Variants in SYT1 observed in about 807,000 individuals in gnomAD.
SYT1 encodes the protein synaptotagmin-1.
In SYT1, 8 loss-of-function variants were observed where a neutral mutation model predicts 44.8. The ratio of observed to expected loss-of-function variants is 0.18; its 90% CI spans 0.10 to 0.32. SYT1 has a LOEUF of 0.32. SYT1 is among the 10% of genes least tolerant of loss of function. The pLI, the probability that SYT1 is intolerant of heterozygous loss-of-function variation, is 1.00. For synonymous variants in SYT1, 154 were observed against 188.8 expected (o/e 0.82, Z 1.51); for missense variants, 286 against 509.3 (o/e 0.56, Z 4.22).
At chr12:78,932,691 A>G (rs1412026897) in intron 1 of SYT1, among the ~76,000 whole-genome samples, 1 of 152,072 alleles carries the variant, frequency 6.6e-6, no homozygotes, top group Non-Finnish European at 1.5e-5. Flanking sequence ...TTTATTTTCA[A>G]TTGCCTTCAG....
At chr12:79,276,411 C>T (rs1878724086) in intron 4 of SYT1, among the ~76,000 whole-genome samples, 1 of 151,936 alleles carries the variant, frequency 6.6e-6, no homozygotes, top group Non-Finnish European at 1.5e-5. Context: ...GGCGCAATGA[C>T]TCATGCCTGT....
intron 7 of SYT1, among the ~76,000 whole-genome samples, chr12:79,297,903 AG>A (rs1322593495): frequency 2.0e-5 from 3 of 152,300 alleles, no homozygotes; most frequent in Admixed American, 1.3e-4. Context: ...AGTTATCTGA[AG>A]GAGCTACTAA....
chr12:79,038,884 AAG>A (rs1873319783), intron 2 of SYT1, among the ~76,000 whole-genome samples: 1 of 152,006 alleles, frequency 6.6e-6, no homozygotes, highest in South Asian at 2.1e-4. Context: ...TTCTCCTCAA[AAG>A]AAATGCTTGA....
At chr12:79,422,910 T>C (rs1869205793) in intron 9 of SYT1, among the ~76,000 whole-genome samples, 1 of 152,076 alleles carries the variant, frequency 6.6e-6, no homozygotes, top group African/African-American at 2.4e-5. Flanking sequence ...TTATATGCAA[T>C]GTGGTATCTT....
intron 3 of SYT1, among the ~76,000 whole-genome samples, chr12:79,209,641 G>A (rs1211356917): frequency 6.6e-6 from 1 of 152,162 alleles, no homozygotes; most frequent in Non-Finnish European, 1.5e-5. Context: ...TCTCTGGAGT[G>A]ACTCCCTGGC....
intron 2 of SYT1, among the ~76,000 whole-genome samples, chr12:78,999,583 C>T (rs1364976889): frequency 6.6e-6 from 1 of 152,120 alleles, no homozygotes; most frequent in Non-Finnish European, 1.5e-5. Context: ...TATCAGAATA[C>T]ATGTGATTAA....
intron 3 of SYT1, among the ~76,000 whole-genome samples, chr12:79,048,662 ATTAACTC>A (rs1403295177): frequency 2.6e-5 from 4 of 151,950 alleles, no homozygotes; most frequent in Admixed American, 6.6e-5. Flanking sequence ...GATTTAAAAA[ATTAACTC>A]TAAATGTATG....
intron 9 of SYT1, among the ~76,000 whole-genome samples, chr12:79,403,238 G>C (rs1431790524): frequency 6.6e-6 from 1 of 152,134 alleles, no homozygotes; most frequent in Non-Finnish European, 1.5e-5. Context: ...CAGAGAAACA[G>C]AACCAATAGT....
Position 78,895,249 on chromosome 12 carries a change from T to C in SYT1, c.-217+30140T>C, listed in dbSNP as rs890840699. ...TACAAAATGAGCAAAGATAAAAAAG[T>C]GTTTTTTCATAAAACTAATTTGTGA... On this transcript the variant is annotated intron_variant, in intron 1 of 10. Transcript: ENST00000261205. Among the ~76,000 whole-genome samples, 3 of 151,452 alleles carry C rather than the reference T, an allele frequency of 2.0e-5. No homozygotes were observed. The East Asian group carries it at 5.8e-4, about 29-fold the overall frequency.
chr12:78,894,004 C>A (rs552459724), intron 1 of SYT1, among the ~76,000 whole-genome samples: 79 of 151,672 alleles, frequency 5.2e-4, no homozygotes, highest in Admixed American at 5.1e-3. Flanking sequence ...GCTGTTTTAA[C>A]CAATATTGGT....
At chr12:79,030,719 T>TATAC (rs1340190684) in intron 2 of SYT1, among the ~76,000 whole-genome samples, 3 of 151,038 alleles carry the variant, frequency 2.0e-5, no homozygotes, top group Non-Finnish European at 4.5e-5. Flanking sequence ...AATGAACCAA[T>TATAC]ATACATTATG....
chr12:79,196,946 T>C (rs1231755201), intron 3 of SYT1, among the ~76,000 whole-genome samples: 1 of 152,220 alleles, frequency 6.6e-6, no homozygotes, highest in Non-Finnish European at 1.5e-5. Context: ...TAGGCGATGT[T>C]AATGCAATAA....
At chr12:78,878,358 T>A (rs1874283650) in intron 1 of SYT1, among the ~76,000 whole-genome samples, 1 of 151,760 alleles carries the variant, frequency 6.6e-6, no homozygotes, top group Admixed American at 6.6e-5. Flanking sequence ...AAGTACATAA[T>A]GTGGGAATTT....
intron 2 of SYT1, among the ~76,000 whole-genome samples, chr12:79,018,018 A>T (rs550394869): frequency 6.6e-6 from 1 of 152,018 alleles, no homozygotes; most frequent in Non-Finnish European, 1.5e-5. Flanking sequence ...TGAAGAGCAG[A>T]TCTAGGTTTA....
At chr12:79,031,112 A>AT (rs1872803110) in intron 2 of SYT1, among the ~76,000 whole-genome samples, 1 of 150,964 alleles carries the variant, frequency 6.6e-6, no homozygotes, top group Non-Finnish European at 1.5e-5. Flanking sequence ...AATAACATCT[A>AT]TTAAAATTAG....
At chr12:78,865,930 AAC>A (rs1410421071) in intron 1 of SYT1, among the ~76,000 whole-genome samples, 1 of 151,718 alleles carries the variant, frequency 6.6e-6, no homozygotes, top group Non-Finnish European at 1.5e-5. Flanking sequence ...AAAAAAAAAA[AAC>A]AATTAAAATA....
chr12:79,090,527 G>A (rs1363955144), intron 3 of SYT1, among the ~76,000 whole-genome samples: 1 of 151,844 alleles, frequency 6.6e-6, no homozygotes, highest in African/African-American at 2.4e-5. Flanking sequence ...AGCAGTGCTG[G>A]GGTTCATGTA....
At chr12:78,915,465 GA>G (rs965074492) in intron 1 of SYT1, among the ~76,000 whole-genome samples, 1 of 151,460 alleles carries the variant, frequency 6.6e-6, no homozygotes, top group African/African-American at 2.4e-5. Context: ...GGTCAAAAAA[GA>G]AAAAAAATGT....
chr12:79,055,813 C>A (rs1441781867), intron 3 of SYT1, among the ~76,000 whole-genome samples: 1 of 151,866 alleles, frequency 6.6e-6, no homozygotes, highest in East Asian at 1.9e-4. Context: ...ATCAAAGGGG[C>A]ATTCTTTTCT....
Sources: allele counts gnomAD v4.1 joint callset (sites outside exome capture counted in the v4.1 genomes callset), GRCh38; gene constraint gnomAD v4.1.1; transcripts MANE v1.5; gene names NCBI Gene and HGNC (gene_info 2026-07-23, HGNC 2026-07-21).